The following DCLK3 variants were observed in gnomAD, a reference collection of about 807,000 sequenced individuals.
DCLK3 encodes doublecortin like kinase 3, also known as serine/threonine-protein kinase DCLK3.
DCLK3 carries 30 observed loss-of-function variants against 46.4 expected under a neutral mutation model. That is an observed-to-expected ratio of 0.65 (90% confidence interval 0.48 to 0.88). The LOEUF is 0.88. DCLK3 is among the 40% of genes least tolerant of loss of function. The pLI is 0.00. For synonymous variants in DCLK3, 401 were observed against 339.2 expected, an observed-to-expected ratio of 1.18 and a Z score of -2.00; for missense variants, 846 against 907.1, an observed-to-expected ratio of 0.93 and a Z score of 0.87.
intron 2 of DCLK3, among the ~76,000 whole-genome samples, chr3:36,730,485 A>G (rs188946038): frequency 2.4e-3 from 368 of 152,364 alleles, no homozygotes; most frequent in African/African-American, 8.3e-3. Flanking sequence ...TCTTTTTCTT[A>G]TGAAGCCTCC....
intron 2 of DCLK3, among the ~76,000 whole-genome samples, chr3:36,733,628 C>T (rs965424109): frequency 1.3e-5 from 2 of 152,208 alleles, no homozygotes; most frequent in Non-Finnish European, 2.9e-5. Flanking sequence ...CTCCAAGGAG[C>T]ACACACTGGC....
chr3:36,760,197 C>G (rs539748304), intron 1 of DCLK3, among the ~76,000 whole-genome samples: 291 of 152,292 alleles, frequency 1.9e-3, no homozygotes, highest in African/African-American at 6.7e-3. Flanking sequence ...GGCCTGAACC[C>G]TCCCCATCAT....
chr3:36,726,155 A>G (rs911697620), intron 2 of DCLK3, among the ~76,000 whole-genome samples: 1 of 152,138 alleles, frequency 6.6e-6, no homozygotes, highest in East Asian at 1.9e-4. Context: ...CAAGTAAAAG[A>G]TGCATCGGTG....
At chr3:36,742,748 C>A (rs556945429) in intron 1 of DCLK3, among the ~76,000 whole-genome samples, 1 of 152,280 alleles carries the variant, frequency 6.6e-6, no homozygotes, top group South Asian at 2.1e-4. Flanking sequence ...AAATTTTCTT[C>A]TTTACAGGTA....
intron 1 of DCLK3, among the ~76,000 whole-genome samples, chr3:36,758,090 T>A (rs1701504534): frequency 6.6e-6 from 1 of 152,180 alleles, no homozygotes. Flanking sequence ...AAGCTGGTCA[T>A]CTATGTCCCC....
In DCLK3 at chr3:36,759,150, G is replaced by A. The variant is rs150345654; in HGVS notation, c.82+5032C>T. On this transcript the variant is annotated intron_variant, in intron 1 of 4. Transcript: ENST00000636136. ...CTACAAGAATTTTTTTCCTTTAAAG[G>A]AATTCCCATATTACTCTTATTTGAG... Among the ~76,000 whole-genome samples the A allele has an allele frequency of 1.9e-3, 289 of 152,190 alleles. 1 individual carries two copies. Among genetic ancestry groups the A allele is most frequent in the Non-Finnish European group, 3.4e-3 (233 of 68,002 alleles).
chr3:36,726,439 G>A (rs1368106535), intron 2 of DCLK3, among the ~76,000 whole-genome samples: 1 of 152,000 alleles, frequency 6.6e-6, no homozygotes, highest in African/African-American at 2.4e-5. Flanking sequence ...TTGTCTGCAG[G>A]CATACACCCT....
In DCLK3 at chr3:36,764,343, G is replaced by A. The variant is rs927306882; in HGVS notation, c.-80C>T. 3 of 209,292 alleles carry A rather than the reference G, an allele frequency of 1.4e-5. No individual in the cohort carries two copies. Among genetic ancestry groups the A allele is most frequent in the Admixed American group, 5.9e-5 (1 of 17,012 alleles). The allele number at this position is 209,292 out of a possible 1,614,324, so 13.0% of individuals were successfully genotyped here. ...CGGCTCGACGGTCGAGCAGGCGCGGGAAGGCGGGGCGAGACGAGCAGCCAC... is the reference window on the plus strand; with the variant it reads ...CGGCTCGACGGTCGAGCAGGCGCGGAAAGGCGGGGCGAGACGAGCAGCCAC... On this transcript the variant is annotated 5_prime_UTR_variant, in exon 1 of 5. Coordinates refer to ENST00000636136, the MANE Select transcript of DCLK3 (RefSeq NM_001394672.2). The surrounding 1 kb of genome is among the most constrained non-coding windows in gnomAD (Gnocchi z 4.9).
intron 2 of DCLK3, among the ~76,000 whole-genome samples, chr3:36,728,432 G>A (rs1701151282): frequency 6.6e-6 from 1 of 152,204 alleles, no homozygotes; most frequent in Non-Finnish European, 1.5e-5. Context: ...TGGACCAAGT[G>A]CAGAAGATCT....
chr3:36,759,458 G>A (rs1249390994), intron 1 of DCLK3, among the ~76,000 whole-genome samples: 1 of 152,184 alleles, frequency 6.6e-6, no homozygotes, highest in Non-Finnish European at 1.5e-5. Flanking sequence ...TGTCTACTTG[G>A]CTATCAATTG....
intron 1 of DCLK3, among the ~76,000 whole-genome samples, chr3:36,749,491 C>T (rs1424919346): frequency 6.6e-6 from 1 of 152,218 alleles, no homozygotes; most frequent in African/African-American, 2.4e-5. Context: ...AAGCATACTC[C>T]ATCTCCTTTT....
In DCLK3 at chr3:36,712,652, A is replaced by G. The variant is rs1044571707; in HGVS notation, c.*2676T>C. ...AACCCCCTGATCACTTTCTGTCACT[A>G]TAGATTCACTTGTATTTTCTGGAAT... On this transcript the variant is annotated 3_prime_UTR_variant, in exon 5 of 5. Coordinates refer to ENST00000636136, the MANE Select transcript of DCLK3 (RefSeq NM_001394672.2). The G allele has an allele frequency of 6.6e-6, 1 of 152,130 alleles. No individual in the cohort carries two copies. Among genetic ancestry groups the G allele is most frequent in the Non-Finnish European group, 1.5e-5 (1 of 68,026 alleles). The allele number at this position is 152,130 out of a possible 1,614,324, so 9.4% of individuals were successfully genotyped here.
At position 36,738,215 on chromosome 3, in the gene DCLK3, G is replaced by A; in HGVS notation, c.952C>T (p.Gln318Ter). Residue 318 changes from glutamine (Q) to a stop codon, truncating the protein, a stop_gained, in exon 2 of 5, where the codon CAG becomes TAG. Transcript: ENST00000636136. LOFTEE classifies it high-confidence loss of function. ...CEKCKRERELQQSLERERLSL... is the reference protein window; with the variant it reads ...CEKCKREREL ...AGCCTCTCACGCTCCAGGCTCTGCTGGAGCTCCCTCTCTCTCTTGCACTTC... is the reference window on the plus strand; with the variant it reads ...AGCCTCTCACGCTCCAGGCTCTGCTAGAGCTCCCTCTCTCTCTTGCACTTC... 6.2e-7 allele frequency: 1 copy of A among 1,608,728 alleles called. No homozygotes were observed. Among genetic ancestry groups the A allele is most frequent in the Non-Finnish European group, 8.5e-7 (1 of 1,178,498 alleles).
At chr3:36,742,615 C>T (rs1236941980) in intron 1 of DCLK3, among the ~76,000 whole-genome samples, 1 of 152,228 alleles carries the variant, frequency 6.6e-6, no homozygotes, top group Admixed American at 6.5e-5. Flanking sequence ...TGAAATTGCA[C>T]TTCTTCTAGC....
In DCLK3 at chr3:36,715,400, C is replaced by T. The variant is rs749881938; in HGVS notation, c.2382G>A (p.Gln794=). 3.1e-6 allele frequency: 5 copies of T among 1,614,186 alleles called. No individual in the cohort carries two copies. The highest frequency in any genetic ancestry group is 4.2e-6 in the Non-Finnish European group (5 of 1,180,016). Residue 794 remains glutamine (Q), a synonymous_variant, in exon 5 of 5, where the codon CAG becomes CAA. Transcript: ENST00000636136. ...TAGKTNTVKR[Q]KQVSPSSEGH... is the part of the protein sequence containing the mutation. ...CCTCGCTGCTGGGGGACACCTGCTT[C>T]TGTCGTTTCACTGTATTGGTCTTGC...
Position 36,718,112 on chromosome 3 carries a change from G to A in DCLK3, c.2158C>T (p.Pro720Ser), listed in dbSNP as rs1701008345. The change falls in exon 4 of 5, where the codon CCC becomes TCC. Residue 720 changes from proline (P) to serine (S), a missense_variant. Physicochemically the swap from Pro to Ser is moderately conservative, Grantham distance 74 (BLOSUM62 -1). Around this residue, in one of 3 missense-constraint regions of DCLK3, gnomAD observed 247 missense variants for 322.8 expected, o/e 0.77. Transcript: ENST00000636136. ...VILYILLCGF[P>S]PFRSPERDQD... ...TCCCTCTCAGGGCTGCGGAATGGGG[G>A]AAAGCCACACAGCAGGATATAGAGG... The A allele has an allele frequency of 6.2e-7, 1 of 1,614,142 alleles. No individual in the cohort carries two copies. The highest frequency in any genetic ancestry group is 8.5e-7 in the Non-Finnish European group (1 of 1,180,018).
intron 2 of DCLK3, among the ~76,000 whole-genome samples, chr3:36,727,026 T>C (rs1701132143): frequency 6.6e-6 from 1 of 152,148 alleles, no homozygotes; most frequent in Non-Finnish European, 1.5e-5. Flanking sequence ...GTGGCTCATG[T>C]AATCCCAGTA....
At chr3:36,735,955 G>A (rs1402842044) in intron 2 of DCLK3, among the ~76,000 whole-genome samples, 2 of 152,252 alleles carry the variant, frequency 1.3e-5, no homozygotes, top group Non-Finnish European at 2.9e-5. Context: ...TAAGAGGAGG[G>A]AGACAGAAAG....
chr3:36,720,957 A>C (rs1292897061), intron 3 of DCLK3, among the ~76,000 whole-genome samples: 1 of 152,218 alleles, frequency 6.6e-6, no homozygotes, highest in Non-Finnish European at 1.5e-5. Context: ...CACAGTAGTC[A>C]AATAGTCATT....
Sources: allele counts gnomAD v4.1 joint callset (sites outside exome capture counted in the v4.1 genomes callset), GRCh38; gene constraint gnomAD v4.1.1; regional missense constraint gnomAD v4.1.1; non-coding constraint Gnocchi (gnomAD v3.1); transcripts MANE v1.5; gene names NCBI Gene and HGNC (gene_info 2026-07-23, HGNC 2026-07-21).